CDK14: variants seen among roughly 807,000 people sequenced by gnomAD.
The protein encoded by CDK14 is cyclin dependent kinase 14, also known as cyclin-dependent kinase 14.
Under a neutral mutation model 60.7 loss-of-function variants are expected in CDK14, and 34 were observed. The observed-to-expected ratio is 0.56, with a 90% CI of 0.43 to 0.75. The LOEUF (loss-of-function observed/expected upper bound fraction) is 0.75. CDK14 is among the 30% of genes least tolerant of loss of function. The pLI, the probability that CDK14 is intolerant of heterozygous loss-of-function variation, is 0.00. For synonymous variants in CDK14, 197 were observed against 203.7 expected, an observed-to-expected ratio of 0.97 and a Z score of 0.28; for missense variants, 482 against 564.1, an observed-to-expected ratio of 0.85 and a Z score of 1.47.
At chr7:91,075,807 A>ATTCC (rs1798288431) in intron 11 of CDK14, among the ~76,000 whole-genome samples, 1 of 152,218 alleles carries the variant, frequency 6.6e-6, no homozygotes, top group Admixed American at 6.5e-5. Flanking sequence ...AATCACAAGC[A>ATTCC]TTCCTACGTA....
At chr7:91,125,269 A>G (rs1799906948) in intron 14 of CDK14, among the ~76,000 whole-genome samples, 1 of 152,194 alleles carries the variant, frequency 6.6e-6, no homozygotes, top group South Asian at 2.1e-4. Flanking sequence ...GCCTGGGGAC[A>G]AGAGCCAGGG....
chr7:90,753,771 C>T (rs936211354), intron 4 of CDK14, among the ~76,000 whole-genome samples: 14 of 152,126 alleles, frequency 9.2e-5, no homozygotes, highest in African/African-American at 3.4e-4. Flanking sequence ...TGATGAATGA[C>T]TTCAGTACAG....
At position 90,916,307 on chromosome 7, in the gene CDK14, T is replaced by C. The variant is rs191877761; in HGVS notation, c.703-1294T>C. The stretch of plus-strand genomic sequence containing the variant: ...GAGAGATGTTTGCATCCCGAGATTC[T>C]TGAGTTAGTCTTTTAATCTTGACCA... On this transcript the variant is annotated intron_variant, in intron 7 of 14. Transcript: ENST00000380050. Among the ~76,000 whole-genome samples, 9 of 152,320 alleles carry C rather than the reference T, an allele frequency of 5.9e-5. No homozygotes were observed. The East Asian group carries it at 1.7e-3, about 29-fold the overall frequency.
intron 14 of CDK14, among the ~76,000 whole-genome samples, chr7:91,203,470 A>C (rs748325209): frequency 1.3e-5 from 2 of 152,214 alleles, no homozygotes; most frequent in Non-Finnish European, 2.9e-5. Flanking sequence ...CTTCACAGGA[A>C]GTGTCTTCAC....
At chr7:91,105,468 G>A (rs1046823802) in intron 12 of CDK14, among the ~76,000 whole-genome samples, 6 of 152,222 alleles carry the variant, frequency 3.9e-5, no homozygotes, top group Admixed American at 1.3e-4. Context: ...GAATTTCTAC[G>A]TATTCAGGCT....
At chr7:90,826,475 C>T (rs1347884712) in intron 5 of CDK14, among the ~76,000 whole-genome samples, 1 of 152,100 alleles carries the variant, frequency 6.6e-6, no homozygotes, top group Non-Finnish European at 1.5e-5. Context: ...CCTTGGGCTC[C>T]CAAAGTGCTG....
At chr7:90,920,714 A>G (rs1190767197) in intron 8 of CDK14, among the ~76,000 whole-genome samples, 2 of 152,238 alleles carry the variant, frequency 1.3e-5, no homozygotes, top group African/African-American at 2.4e-5. Context: ...TATATAACAA[A>G]TATGACACCC....
At chr7:91,029,896 C>T (rs802799) in intron 10 of CDK14, among the ~76,000 whole-genome samples, 16,804 of 152,150 alleles carry the variant, frequency 0.11, 1,399 homozygotes, top group East Asian at 0.41. Flanking sequence ...AATTTGAATG[C>T]CCTTTATTTC....
intron 5 of CDK14, among the ~76,000 whole-genome samples, chr7:90,795,932 C>G (rs1289168221): frequency 1.3e-5 from 2 of 152,112 alleles, no homozygotes; most frequent in Non-Finnish European, 2.9e-5. Flanking sequence ...AGGGAAGAAG[C>G]AAGTAGGATC....
chr7:91,186,554 T>A (rs1802199948), intron 14 of CDK14, among the ~76,000 whole-genome samples: 1 of 151,888 alleles, frequency 6.6e-6, no homozygotes, highest in Non-Finnish European at 1.5e-5. Context: ...ATTGTTTATG[T>A]ACAAATTACA....
chr7:90,674,274 G>T (rs1801155018), intron 2 of CDK14, among the ~76,000 whole-genome samples: 1 of 152,214 alleles, frequency 6.6e-6, no homozygotes, highest in African/African-American at 2.4e-5. Context: ...ACTAGAGTAG[G>T]ATCATTAAGG....
intron 14 of CDK14, among the ~76,000 whole-genome samples, chr7:91,189,160 T>C (rs1042494693): frequency 1.3e-5 from 2 of 152,190 alleles, no homozygotes; most frequent in African/African-American, 4.8e-5. Context: ...TTACTTCTTC[T>C]TTCCTTTATG....
At chr7:91,084,547 C>G (rs541115685) in intron 12 of CDK14, among the ~76,000 whole-genome samples, 1 of 152,384 alleles carries the variant, frequency 6.6e-6, no homozygotes, top group South Asian at 2.1e-4. Context: ...ACAGCTCCCA[C>G]TGCCCCCAAG....
chr7:90,892,811 C>T (rs927360421), intron 6 of CDK14, among the ~76,000 whole-genome samples: 1 of 152,134 alleles, frequency 6.6e-6, no homozygotes, highest in Non-Finnish European at 1.5e-5. Flanking sequence ...TTTGTTCTCG[C>T]TCTGTCACCC....
At chr7:90,619,444 G>T (rs17867151) in intron 2 of CDK14, among the ~76,000 whole-genome samples, 7,210 of 152,066 alleles carry the variant, frequency 0.047, 201 homozygotes, top group Non-Finnish European at 0.055. Flanking sequence ...CAGTTTTTTT[G>T]TCTCTTGATA....
chr7:90,672,511 T>G (rs1801117547), intron 2 of CDK14, among the ~76,000 whole-genome samples: 1 of 124,524 alleles, frequency 8.0e-6, no homozygotes, highest in Non-Finnish European at 1.7e-5. Context: ...TGTTTTTTTT[T>G]TTTTTTTTTT....
At chr7:90,841,645 C>CAT (rs962256749) in intron 5 of CDK14, among the ~76,000 whole-genome samples, 7 of 89,114 alleles carry the variant, frequency 7.9e-5, no homozygotes, top group African/African-American at 1.3e-4. Flanking sequence ...ATATTTTCAT[C>CAT]ATATATATAT....
intron 5 of CDK14, among the ~76,000 whole-genome samples, chr7:90,835,972 G>A (rs1288179404): frequency 6.6e-6 from 1 of 152,092 alleles, no homozygotes; most frequent in African/African-American, 2.4e-5. Flanking sequence ...ATGTAGAAAA[G>A]GTGCAGTGAA....
chr7:90,596,572 G>T lies in CDK14; in HGVS notation c.-56G>T, dbSNP rs1041175191. 2.0e-6 allele frequency: 3 copies of T among 1,489,314 alleles called. No individual in the cohort carries two copies. The highest frequency in any genetic ancestry group is 1.8e-4 in the Middle Eastern group (1 of 5,692). 92.3% of individuals were successfully genotyped at this position (1,489,314 alleles called of 1,614,324 possible). A position where few individuals can be genotyped will look rare whatever the true frequency, so the allele number is the denominator to read the frequency against. ...CCCCGCGGCGCGCGCCCTCGCCGTT[G>T]TCTGAGCTGTGCCTGGACCAGTTTG... On this transcript the variant is annotated 5_prime_UTR_variant, in exon 1 of 15. Coordinates refer to ENST00000380050, the MANE Select transcript of CDK14 (RefSeq NM_001287135.2).
Sources: allele counts gnomAD v4.1 joint callset (sites outside exome capture counted in the v4.1 genomes callset), GRCh38; gene constraint gnomAD v4.1.1; transcripts MANE v1.5; gene names NCBI Gene and HGNC (gene_info 2026-07-23, HGNC 2026-07-21).